The following IGSF1 variants were observed in gnomAD, a reference collection of about 807,000 sequenced individuals.
The protein encoded by IGSF1 is immunoglobulin-like domain-containing protein 1.
Under a neutral mutation model 95.3 loss-of-function variants are expected in IGSF1, and 40 were observed. That is an observed-to-expected ratio of 0.42 (90% CI 0.33 to 0.55). The LOEUF (loss-of-function observed/expected upper bound fraction) is 0.55. Among genes scored for constraint, IGSF1 ranks in the 20% least tolerant of loss-of-function variants. The pLI is 0.10. For missense variants in IGSF1, 906 were observed against 1,025.4 expected, an observed-to-expected ratio of 0.88 and a Z score of 1.59; for synonymous variants, 372 against 382.9, an observed-to-expected ratio of 0.97 and a Z score of 0.33.
intron 9 of IGSF1, 185 bp downstream of exon 9, chrX:131,281,033 G>A (rs1419208026): frequency 1.8e-5 from 8 of 441,560 alleles, no homozygotes; most frequent in East Asian, 7.6e-5. Flanking sequence ...TTCTCCACCC[G>A]CTGGCTTGAG....
chrX:131,286,843 C>G, intron 1 of IGSF1, 102 bp from the exon 2 acceptor site: 1 of 389,618 alleles, frequency 2.6e-6, no homozygotes, highest in Non-Finnish European at 4.4e-6. Flanking sequence ...TACTTCCTCA[C>G]AGGCATGCAG....
chrX:131,279,115 G>A, intron 11 of IGSF1, 28 bp downstream of exon 11: 1 of 1,171,486 alleles, frequency 8.5e-7, no homozygotes, highest in South Asian at 1.8e-5. Flanking sequence ...AGGGAGGAAT[G>A]TCCCAGTCTG....
intron 11 of IGSF1, 67 bp downstream of exon 11, chrX:131,279,076 C>G (rs1258167361): frequency 3.7e-6 from 4 of 1,070,367 alleles, no homozygotes; most frequent in African/African-American, 1.8e-5. Context: ...GCCAATGACA[C>G]TGACGCTCTG....
chrX:131,286,229 C>T (rs1214805527), intron 3 of IGSF1, among the ~76,000 whole-genome samples, 181 bp from the exon 4 acceptor site: 2 of 110,983 alleles, frequency 1.8e-5, no homozygotes, highest in Non-Finnish European at 3.8e-5. Flanking sequence ...GTCAAGGGGT[C>T]CAAATGAATT....
chrX:131,285,981 C>T lies in IGSF1; in HGVS notation c.165G>A (p.Thr55=), dbSNP rs368413413. The T allele has an allele frequency of 2.3e-5, 28 of 1,208,507 alleles. No homozygotes were observed. The highest frequency in any genetic ancestry group is 1.9e-4 in the African/African-American group (11 of 57,014). Reference sequence around the variant, plus strand: ...TCCGAGAGGGGCTTCGGCACCAAAGCGTGATGTTCTCCCAAGGGGCCTGGG... The same window carrying T: ...TCCGAGAGGGGCTTCGGCACCAAAGTGTGATGTTCTCCCAAGGGGCCTGGG... ...NYPQAPWENI[T]LWCRSPSRIS... Residue 55 remains threonine (T), a synonymous_variant, in exon 4 of 20, where the codon ACG becomes ACA. Coordinates refer to ENST00000361420, the MANE Select transcript of IGSF1 (RefSeq NM_001555.5).
At chrX:131,276,736 G>T (rs1366054606) in intron 14 of IGSF1, among the ~76,000 whole-genome samples, 1 of 111,914 alleles carries the variant, frequency 8.9e-6, no homozygotes, top group African/African-American at 3.3e-5. Context: ...TGAATTGCTT[G>T]CCTCCCCACT....
intron 11 of IGSF1, 69 bp downstream of exon 11, chrX:131,279,074 C>T: frequency 1.9e-6 from 2 of 1,057,548 alleles, no homozygotes; most frequent in Non-Finnish European, 2.7e-6. Flanking sequence ...TGGCCAATGA[C>T]ACTGACGCTC....
chrX:131,289,254 G>C lies in IGSF1; in HGVS notation c.-108C>G, dbSNP rs916747319. ...GCTCCGATGTTGGAGATTCTCCAGT[G>C]AGCTCCTCCAGATGCAGCAAACTGC... On this transcript the variant is annotated 5_prime_UTR_variant, in exon 1 of 20. Transcript: ENST00000361420. 2.7e-6 allele frequency: 1 copy of C among 375,474 alleles called. No homozygotes were observed. The highest frequency in any genetic ancestry group is 5.2e-6 in the Non-Finnish European group (1 of 192,534). 30.9% of individuals were successfully genotyped at this position (375,474 alleles called of 1,213,427 possible).
intron 5 of IGSF1, chrX:131,284,825 T>G: frequency 1.1e-6 from 1 of 896,994 alleles, no homozygotes; most frequent in Non-Finnish European, 1.4e-6. Flanking sequence ...ACTCCATTTA[T>G]AAGATTGCAG....
At chrX:131,280,607 T>A (rs185928220) in intron 9 of IGSF1, among the ~76,000 whole-genome samples, 1,164 of 111,879 alleles carry the variant, frequency 0.01, 8 homozygotes, top group South Asian at 0.033. Flanking sequence ...GGCAGGAGAA[T>A]CTGTTTGGCC....
rs1474907070 is a variant in IGSF1 at position 131,283,242 on chromosome X, C to T, written c.690G>A (p.Leu230=). Residue 230 remains leucine, a synonymous_variant, in exon 6 of 20, where the codon TTG becomes TTA. Coordinates refer to ENST00000361420, the MANE Select transcript of IGSF1 (RefSeq NM_001555.5). ...CCATGATGGGCCCAGGATGGGCTGT[C>T]AAAGTTGGTTTGGGGTAGAGTCCTA... ...VVAGLYPKPT[L]TAHPGPIMAP... is the part of the protein sequence containing the mutation. The T allele has an allele frequency of 8.3e-7, 1 of 1,208,850 alleles. No individual in the cohort carries two copies.
In IGSF1 at chrX:131,278,515, A is replaced by G. The variant is rs2080509514; in HGVS notation, c.1987T>C (p.Trp663Arg). Residue 663 changes from tryptophan (W) to arginine (R), a missense_variant, in exon 12 of 20, where the codon TGG becomes CGG. By Grantham distance (101) the Trp-to-Arg change is moderately radical. This residue lies in a region of IGSF1 where 10 missense variants were observed against 32.3 expected (regional missense o/e 0.31). Coordinates refer to ENST00000361420, the MANE Select transcript of IGSF1 (RefSeq NM_001555.5). ...GGCTCCGATACAGCCATCTCCTCCC[A>G]TGAATGGCAGTGGTAGCTCCCGGTG... ...SHTGSYHCHS[W>R]EEMAVSEPSE... The G allele has an allele frequency of 8.3e-7, 1 of 1,207,828 alleles. No individual in the cohort carries two copies. Among genetic ancestry groups the G allele is most frequent in the Admixed American group, 2.2e-5 (1 of 45,776 alleles).
chrX:131,276,675 C>T (rs768944422), intron 14 of IGSF1, among the ~76,000 whole-genome samples: 27 of 111,472 alleles, frequency 2.4e-4, no homozygotes, highest in Non-Finnish European at 4.1e-4. Context: ...CAAGTTGAAC[C>T]GAGCTCTTGG....
intron 7 of IGSF1, 138 bp downstream of exon 7, chrX:131,282,306 A>C: frequency 2.2e-6 from 1 of 455,924 alleles, no homozygotes. Flanking sequence ...CCACCTTCCT[A>C]GTGCGTGTGT....
chrX:131,289,094 G>A (rs775338959), intron 1 of IGSF1, 120 bp downstream of exon 1: 105 of 345,767 alleles, frequency 3.0e-4, no homozygotes, highest in Non-Finnish European at 7.9e-5. Flanking sequence ...AGACTGGGGA[G>A]CAGTTTGATT....
chrX:131,284,761 G>T, intron 5 of IGSF1: 1 of 797,716 alleles, frequency 1.3e-6, no homozygotes, highest in Non-Finnish European at 1.5e-6. Flanking sequence ...AATCCATTCT[G>T]TTTTCCACAC....
At chrX:131,280,131 G>T (rs2080535054) in intron 9 of IGSF1, among the ~76,000 whole-genome samples, 1 of 109,135 alleles carries the variant, frequency 9.2e-6, no homozygotes, top group Admixed American at 1.0e-4. Context: ...GGCTGGGGTG[G>T]GGCACATAAA....
chrX:131,277,664 C>A, intron 13 of IGSF1, 192 bp downstream of exon 13: 1 of 434,236 alleles, frequency 2.3e-6, no homozygotes, highest in Non-Finnish European at 4.0e-6. Flanking sequence ...CTATTAATAA[C>A]GATTATGGCT....
chrX:131,276,818 C>T (rs1007191882), intron 14 of IGSF1, 121 bp downstream of exon 14: 8 of 673,768 alleles, frequency 1.2e-5, no homozygotes, highest in South Asian at 5.3e-5. Flanking sequence ...ATGGGCCAGC[C>T]GCTGTCCTAA....
Sources: gnomAD v4.1 joint callset for allele counts (sites outside exome capture counted in the v4.1 genomes callset) on GRCh38, gnomAD v4.1.1 for gene constraint, gnomAD v4.1.1 regional missense constraint, MANE v1.5 for transcripts, NCBI Gene and HGNC (gene_info 2026-07-23, HGNC 2026-07-21) for gene names.